NCKAP5: variants seen among roughly 807,000 people sequenced by gnomAD.
NCKAP5 encodes the protein NCK associated protein 5.
NCKAP5 carries 92 observed loss-of-function variants against 167.0 expected under a neutral mutation model. The ratio of observed to expected loss-of-function variants is 0.55; its 90% confidence interval spans 0.47 to 0.66. NCKAP5 has a LOEUF of 0.66. NCKAP5 is among the 30% of genes least tolerant of loss of function. The pLI, the probability that NCKAP5 is intolerant of heterozygous loss-of-function variation, is 0.00. For missense variants in NCKAP5, 2,378 were observed against 2,315.0 expected, an observed-to-expected ratio of 1.03 and a Z score of -0.56; for synonymous variants, 891 against 877.4, an observed-to-expected ratio of 1.02 and a Z score of -0.27.
intron 5 of NCKAP5, among the ~76,000 whole-genome samples, chr2:133,146,127 C>A (rs2083188794): frequency 1.3e-5 from 2 of 151,208 alleles, no homozygotes; most frequent in African/African-American, 4.9e-5. Context: ...GGGAGGGAAG[C>A]AACATCTAGA....
At chr2:132,976,140 T>C (rs1303149028) in intron 7 of NCKAP5, among the ~76,000 whole-genome samples, 1 of 152,140 alleles carries the variant, frequency 6.6e-6, no homozygotes, top group African/African-American at 2.4e-5. Context: ...GAAAGACAAA[T>C]ATCACATGAT....
chr2:133,203,026 C>A (rs1053567559), intron 5 of NCKAP5, among the ~76,000 whole-genome samples: 13 of 152,138 alleles, frequency 8.5e-5, no homozygotes, highest in African/African-American at 2.4e-4. Flanking sequence ...TTGACCCAGC[C>A]ATCCCATTTC....
intron 7 of NCKAP5, among the ~76,000 whole-genome samples, chr2:132,992,389 G>A (rs1383860766): frequency 2.6e-5 from 4 of 152,194 alleles, no homozygotes; most frequent in Non-Finnish European, 5.9e-5. Flanking sequence ...GCTAATAATT[G>A]TTTAAGAGCT....
intron 6 of NCKAP5, among the ~76,000 whole-genome samples, chr2:133,066,517 T>C (rs1254496181): frequency 1.3e-5 from 2 of 152,184 alleles, no homozygotes; most frequent in Non-Finnish European, 2.9e-5. Flanking sequence ...CTACATGCAT[T>C]CTTTCTCTCC....
intron 3 of NCKAP5, among the ~76,000 whole-genome samples, chr2:133,353,776 G>C (rs1684522613): frequency 1.3e-5 from 2 of 152,172 alleles, no homozygotes; most frequent in South Asian, 4.1e-4. Context: ...AAGGAGTTCA[G>C]CCACTGGACA....
At chr2:132,799,361 C>T (rs569358154) in intron 11 of NCKAP5, among the ~76,000 whole-genome samples, 7 of 152,086 alleles carry the variant, frequency 4.6e-5, no homozygotes, top group African/African-American at 9.6e-5. Flanking sequence ...GATATACCCA[C>T]GGAACAAAAC....
At chr2:132,878,681 C>CCA (rs750009638) in intron 9 of NCKAP5, among the ~76,000 whole-genome samples, 167 bp downstream of exon 9, 206 of 150,518 alleles carry the variant, frequency 1.4e-3, no homozygotes, top group African/African-American at 4.0e-3. Context: ...CACACACCGC[C>CCA]CACACACACA....
intron 4 of NCKAP5, among the ~76,000 whole-genome samples, chr2:133,268,162 T>G (rs1433346453): frequency 1.3e-5 from 2 of 152,210 alleles, no homozygotes; most frequent in African/African-American, 4.8e-5. Flanking sequence ...CTGAATAAAA[T>G]TCTAAATTAG....
intron 3 of NCKAP5, among the ~76,000 whole-genome samples, chr2:133,514,531 A>G (rs1404198726): frequency 6.6e-6 from 1 of 152,178 alleles, no homozygotes; most frequent in African/African-American, 2.4e-5. Context: ...CAACACTTCA[A>G]TGATTTGATT....
At chr2:133,462,514 T>G (rs1041159934) in intron 3 of NCKAP5, among the ~76,000 whole-genome samples, 2 of 152,202 alleles carry the variant, frequency 1.3e-5, no homozygotes, top group South Asian at 4.1e-4. Context: ...TGGTCCAAGA[T>G]AGCATCAGAA....
At chr2:133,403,671 C>T (rs1425697182) in intron 3 of NCKAP5, among the ~76,000 whole-genome samples, 1 of 152,180 alleles carries the variant, frequency 6.6e-6, no homozygotes, top group Non-Finnish European at 1.5e-5. Flanking sequence ...CCTGTCACCA[C>T]CTTTGCAAAG....
chr2:132,961,175 A>T lies in NCKAP5; in HGVS notation c.579+2545T>A, dbSNP rs147963355. On this transcript the variant is annotated intron_variant, in intron 8 of 19. Transcript: ENST00000409261. ...TGCAGTCTGTCAAAATCAGTTCTCTATTTTCCTACAATAATGTTTAACCCA... is the reference window on the plus strand; with the variant it reads ...TGCAGTCTGTCAAAATCAGTTCTCTTTTTTCCTACAATAATGTTTAACCCA... Among the ~76,000 whole-genome samples, 818 of 152,136 alleles carry T rather than the reference A, an allele frequency of 5.4e-3. 6 individuals carry two copies. The highest frequency in any genetic ancestry group is 0.019 in the African/African-American group (785 of 41,500).
intron 8 of NCKAP5, among the ~76,000 whole-genome samples, chr2:132,895,865 T>C (rs565682607): frequency 2.3e-4 from 34 of 148,728 alleles, no homozygotes; most frequent in South Asian, 6.4e-4. Flanking sequence ...CCAGGCGCAG[T>C]GGCCCATGCC....
At chr2:132,849,239 C>G (rs35569730) in intron 11 of NCKAP5, among the ~76,000 whole-genome samples, 18,108 of 145,170 alleles carry the variant, frequency 0.12, 1,207 homozygotes, top group Middle Eastern at 0.2. Context: ...CCAGCCATGG[C>G]TCCCCCTCTT....
At chr2:133,234,884 T>C (rs1370987721) in intron 4 of NCKAP5, among the ~76,000 whole-genome samples, 4 of 149,626 alleles carry the variant, frequency 2.7e-5, no homozygotes, top group African/African-American at 4.9e-5. Context: ...TAAGTAAATA[T>C]TTATATAAAT....
At chr2:132,840,961 A>G (rs1283776510) in intron 11 of NCKAP5, among the ~76,000 whole-genome samples, 1 of 152,196 alleles carries the variant, frequency 6.6e-6, no homozygotes, top group African/African-American at 2.4e-5. Flanking sequence ...GTTCAAGGTT[A>G]TCTGTATAAT....
intron 3 of NCKAP5, among the ~76,000 whole-genome samples, chr2:133,476,540 A>G (rs1027657688): frequency 2.0e-5 from 3 of 152,158 alleles, no homozygotes; most frequent in South Asian, 4.1e-4. Context: ...GCAGCATGTG[A>G]TGGCCCTACA....
At chr2:133,373,612 C>T (rs1202560248) in intron 3 of NCKAP5, among the ~76,000 whole-genome samples, 2 of 152,064 alleles carry the variant, frequency 1.3e-5, no homozygotes, top group African/African-American at 4.8e-5. Flanking sequence ...TGAAAAATAT[C>T]GAAGGAGATG....
At chr2:132,920,788 T>TACATAC (rs1695351759) in intron 8 of NCKAP5, among the ~76,000 whole-genome samples, 2 of 81,234 alleles carry the variant, frequency 2.5e-5, no homozygotes, top group African/African-American at 1.2e-4. Flanking sequence ...TATATATATA[T>TACATAC]ATATATATAT....
Sources: allele counts gnomAD v4.1 joint callset (sites outside exome capture counted in the v4.1 genomes callset), GRCh38; gene constraint gnomAD v4.1.1; transcripts MANE v1.5; gene names NCBI Gene and HGNC (gene_info 2026-07-23, HGNC 2026-07-21).